The following NKAIN4 variants were observed in gnomAD, a reference collection of about 807,000 sequenced individuals.
NKAIN4 encodes sodium/potassium-transporting ATPase subunit beta-1-interacting protein 4.
NKAIN4 carries 28 observed loss-of-function variants against 28.8 expected under a neutral mutation model. That is an observed-to-expected ratio of 0.97 (90% CI 0.72 to 1.33). The LOEUF (loss-of-function observed/expected upper bound fraction) is 1.33. NKAIN4 is among the 40% of genes most tolerant of loss of function. The pLI is 0.00. For synonymous variants in NKAIN4, 122 were observed against 115.6 expected (o/e 1.06, Z -0.36); for missense variants, 289 against 277.2 (o/e 1.04, Z -0.30).
intron 1 of NKAIN4, among the ~76,000 whole-genome samples, chr20:63,251,192 G>A (rs768186817): frequency 2.6e-5 from 4 of 151,886 alleles, no homozygotes; most frequent in African/African-American, 7.3e-5. Flanking sequence ...GACAGCTTAC[G>A]CCATTATTTC....
intron 4 of NKAIN4, chr20:63,247,029 C>A: frequency 9.9e-7 from 1 of 1,007,004 alleles, no homozygotes; most frequent in Non-Finnish European, 1.2e-6. Context: ...TGCTCCTCAG[C>A]GCCACCCGGG....
intron 6 of NKAIN4, 27 bp from the exon 7 acceptor site, chr20:63,241,533 T>C (rs1465800960): frequency 2.6e-6 from 4 of 1,548,948 alleles, no homozygotes; most frequent in Non-Finnish European, 3.5e-6. Flanking sequence ...AGAGAGCACC[T>C]GGGGGAACAG....
At chr20:63,244,003 C>A (rs937148193) in intron 5 of NKAIN4, 21 bp downstream of exon 5, 1 of 1,607,262 alleles carries the variant, frequency 6.2e-7, no homozygotes, top group African/African-American at 1.3e-5. Flanking sequence ...GCCCCACTGC[C>A]TGCAGAGGCC....
At chr20:63,248,936 C>G (rs772760801) in intron 2 of NKAIN4, 41 bp from the exon 3 acceptor site, 1 of 1,335,220 alleles carries the variant, frequency 7.5e-7, no homozygotes, top group South Asian at 1.2e-5. Flanking sequence ...GAACACAGCT[C>G]CCGGGCACAC....
rs1295856565 is a variant in NKAIN4, at chr20:63,252,388, G to C, written c.54+2009C>G. Among the ~76,000 whole-genome samples, 1 of 152,072 alleles carries C rather than the reference G, an allele frequency of 6.6e-6. No individual in the cohort carries two copies. Among genetic ancestry groups the C allele is most frequent in the Non-Finnish European group, 1.5e-5 (1 of 68,014 alleles). On this transcript the variant is annotated intron_variant, in intron 1 of 6. Transcript: ENST00000370316. This position sits in a 1 kb window ranked among gnomAD's most constrained non-coding sequence, Gnocchi z 4.6. ...CCAGCAAAGTTCACACTGTTCTTTG[G>C]GGAGAAAGGCGCTCAGAAGAGATGC... is the stretch of plus-strand genomic sequence containing the variant.
rs1235210349 is a variant in NKAIN4 at position 63,245,514 on chromosome 20, C to T, written c.472-1430G>A. On this transcript the variant is annotated intron_variant, in intron 4 of 6. Transcript: ENST00000370316. This position sits in a 1 kb window ranked among gnomAD's most constrained non-coding sequence, Gnocchi z 4.7. ...TCCCCGCCCTGCACACCACCGCCTC[C>T]TGCCCATCCTCCTGGCTCCAGCCCC... 6.6e-6 allele frequency among the ~76,000 whole-genome samples: 1 copy of T among 152,110 alleles called. No homozygotes were observed. Among genetic ancestry groups the T allele is most frequent in the Non-Finnish European group, 1.5e-5 (1 of 68,006 alleles).
chr20:63,246,756 G>C (rs1260412607), intron 4 of NKAIN4: 17 of 985,346 alleles, frequency 1.7e-5, no homozygotes, highest in Non-Finnish European at 2.0e-5. Flanking sequence ...CGGAGCTCTT[G>C]AGGTGAAACG....
chr20:63,242,254 C>T (rs2066767534), intron 6 of NKAIN4, among the ~76,000 whole-genome samples: 1 of 152,136 alleles, frequency 6.6e-6, no homozygotes, highest in South Asian at 2.1e-4. Context: ...CTTGCGGCCC[C>T]CGACTCAGAG....
At chr20:63,247,465 G>C (rs1366164735) in intron 4 of NKAIN4, 113 bp downstream of exon 4, 2 of 1,547,254 alleles carry the variant, frequency 1.3e-6, no homozygotes, top group Non-Finnish European at 1.7e-6. Context: ...GGAAGGCAGA[G>C]ACACGCCTGA....
At chr20:63,249,056 C>T in intron 2 of NKAIN4, 161 bp from the exon 3 acceptor site, 2 of 611,248 alleles carry the variant, frequency 3.3e-6, no homozygotes, top group South Asian at 3.7e-5. Flanking sequence ...AAAGGGGTCC[C>T]CCAAGCCCAC....
At chr20:63,249,892 C>T (rs1220468188) in intron 2 of NKAIN4, 43 bp downstream of exon 2, 1 of 1,580,206 alleles carries the variant, frequency 6.3e-7, no homozygotes, top group South Asian at 1.2e-5. Flanking sequence ...TCCTGGTCAC[C>T]TCAACCCACC....
At chr20:63,253,185 C>T (rs2123137828) in intron 1 of NKAIN4, 1 of 984,934 alleles carries the variant, frequency 1.0e-6, no homozygotes, top group Non-Finnish European at 1.2e-6. Flanking sequence ...CACCAGTCTC[C>T]TAAGGGACTC....
intron 1 of NKAIN4, among the ~76,000 whole-genome samples, chr20:63,251,047 A>G (rs746238851): frequency 1.3e-5 from 2 of 151,956 alleles, no homozygotes; most frequent in Non-Finnish European, 2.9e-5. Flanking sequence ...TATTGGATAC[A>G]AGACAAAAGG....
Position 63,241,176 on chromosome 20 carries a change from G to A in NKAIN4, c.*321C>T, listed in dbSNP as rs945538096. The A allele has an allele frequency of 1.2e-5, 4 of 343,102 alleles. No individual in the cohort carries two copies. The highest frequency in any genetic ancestry group is 6.6e-5 in the African/African-American group (3 of 45,564). 21.3% of individuals were successfully genotyped at this position (343,102 alleles called of 1,614,324 possible). On this transcript the variant is annotated 3_prime_UTR_variant, in exon 7 of 7. Transcript: ENST00000370316. ...TGAGGGAGGGGCTCCTCGACGAGAC[G>A]ACAGCCTGGGGGCAGAGCTGTGACC...
At chr20:63,251,057 G>A (rs566447701) in intron 1 of NKAIN4, among the ~76,000 whole-genome samples, 3 of 152,208 alleles carry the variant, frequency 2.0e-5, no homozygotes, top group South Asian at 4.2e-4. Flanking sequence ...AAGACAAAAG[G>A]GCAGGGTAAG....
rs771333438 is a variant in NKAIN4, at chr20:63,248,765, G to A, written c.273+50C>T. 14 of 1,276,198 alleles carry A rather than the reference G, an allele frequency of 1.1e-5. No individual in the cohort carries two copies. In the East Asian group the frequency reaches 1.4e-4, roughly 13 times the overall value. 79.1% of individuals were successfully genotyped at this position (1,276,198 alleles called of 1,614,324 possible). ...ACACAGGGGGTGTTACCAGGGGCCC[G>A]GCCCAGACCCCAGGGAAGGACCTCG... On this transcript the variant is annotated intron_variant, in intron 3 of 6. Transcript: ENST00000370316.
At chr20:63,248,780 GA>G in intron 3 of NKAIN4, 34 bp downstream of exon 3, 1 of 1,445,052 alleles carries the variant, frequency 6.9e-7, no homozygotes, top group Middle Eastern at 1.7e-4. Flanking sequence ...AGACCCCAGG[GA>G]AGGACCTCGC....
At chr20:63,254,695 G>A (rs542039776), upstream of NKAIN4, 6 of 326,512 alleles carry the variant, frequency 1.8e-5, no homozygotes, top group South Asian at 8.8e-4. Context: ...TTAAAGGGGC[G>A]ATGGCGCGGC....
rs7345046 is a variant in NKAIN4 at position 63,245,139 on chromosome 20, T to A, written c.472-1055A>T. On this transcript the variant is annotated intron_variant, in intron 4 of 6. Coordinates refer to ENST00000370316, the MANE Select transcript of NKAIN4 (RefSeq NM_152864.4). This position sits in a 1 kb window ranked among gnomAD's most constrained non-coding sequence, Gnocchi z 4.7. ...CTGGTACAGGCAAGTTGGTGGTTGC[T>A]TTCCTGGAAATCCAGCTCCTTTCTA... Among the ~76,000 whole-genome samples the A allele has an allele frequency of 0.03, 4,640 of 152,156 alleles. 218 individuals are homozygous for A. The highest frequency in any genetic ancestry group is 0.1 in the African/African-American group (4,353 of 41,496).
Sources: allele counts gnomAD v4.1 joint callset (sites outside exome capture counted in the v4.1 genomes callset), GRCh38; gene constraint gnomAD v4.1.1; non-coding constraint Gnocchi (gnomAD v3.1); transcripts MANE v1.5; gene names NCBI Gene and HGNC (gene_info 2026-07-23, HGNC 2026-07-21).